The following PTPRN2 variants were observed in gnomAD, a reference collection of about 807,000 sequenced individuals.
PTPRN2 encodes the protein protein tyrosine phosphatase receptor type N2.
PTPRN2 carries 74 observed loss-of-function variants against 118.8 expected under a neutral mutation model. The observed-to-expected ratio is 0.62, with a 90% CI of 0.52 to 0.76. The LOEUF is 0.76. PTPRN2 is among the 30% of genes least tolerant of loss of function. The pLI is 0.00. For missense variants in PTPRN2, 1,481 were observed against 1,394.4 expected (o/e 1.06, Z -0.99); for synonymous variants, 641 against 608.0 (o/e 1.05, Z -0.80).
intron 10 of PTPRN2, among the ~76,000 whole-genome samples, chr7:158,085,508 CGCCCATCCACACAGAT>C (rs1813286990): frequency 1.5e-5 from 2 of 135,928 alleles, no homozygotes. Flanking sequence ...ACACCCATGA[CGCCCATCCACACAGAT>C]GCCCATCCAC....
chr7:157,980,524 G>A (rs955109111), intron 11 of PTPRN2, among the ~76,000 whole-genome samples: 4 of 152,198 alleles, frequency 2.6e-5, no homozygotes, highest in Non-Finnish European at 4.4e-5. Context: ...GGCCGAGGTG[G>A]GGAGTCACTT....
At chr7:158,470,092 C>T (rs1819743442) in intron 2 of PTPRN2, among the ~76,000 whole-genome samples, 1 of 152,142 alleles carries the variant, frequency 6.6e-6, no homozygotes, top group Non-Finnish European at 1.5e-5. Flanking sequence ...AACGGGCTGC[C>T]ATCATAACAG....
rs73745051 is a variant in PTPRN2, at chr7:157,992,536, A to C, written c.1723+88762T>G. On this transcript the variant is annotated intron_variant, in intron 11 of 22. Transcript: ENST00000389418. ...TATGGTGCTAAGGTTTTAATAACACATTAGAATACACAGAACTAAATAAAA... is the reference window on the plus strand; with the variant it reads ...TATGGTGCTAAGGTTTTAATAACACCTTAGAATACACAGAACTAAATAAAA... 9.2e-3 allele frequency among the ~76,000 whole-genome samples: 1,408 copies of C among 152,382 alleles called. 14 individuals are homozygous for C. The highest frequency in any genetic ancestry group is 0.032 in the African/African-American group (1,341 of 41,590).
chr7:157,866,395 T>G (rs530514884), intron 12 of PTPRN2, among the ~76,000 whole-genome samples: 2 of 152,180 alleles, frequency 1.3e-5, no homozygotes, highest in African/African-American at 4.8e-5. Flanking sequence ...CACGTCCACA[T>G]GTACACACAT....
chr7:157,714,418 G>A (rs191949265), intron 12 of PTPRN2, among the ~76,000 whole-genome samples: 5 of 152,142 alleles, frequency 3.3e-5, no homozygotes, highest in African/African-American at 1.2e-4. Context: ...AGTCTTTCCC[G>A]GCAGCTCTGC....
At chr7:157,642,814 C>CAAAAAAAA (rs11335302) in intron 14 of PTPRN2, among the ~76,000 whole-genome samples, 732 of 24,204 alleles carry the variant, frequency 0.03, 130 homozygotes, top group Non-Finnish European at 0.048. Flanking sequence ...CAAGAAACAG[C>CAAAAAAAA]AAAAAAAAAA....
chr7:157,865,755 G>C (rs1356181690), intron 12 of PTPRN2: 3 of 152,264 alleles, frequency 2.0e-5, no homozygotes, highest in Non-Finnish European at 2.9e-5. Flanking sequence ...GTCACAGCCA[G>C]GTGAATGGGC....
intron 12 of PTPRN2, among the ~76,000 whole-genome samples, chr7:157,796,999 C>G (rs1804910023): frequency 6.6e-6 from 1 of 152,218 alleles, no homozygotes; most frequent in African/African-American, 2.4e-5. Context: ...CGAGTTCCGA[C>G]TCGCCGCTCA....
At chr7:158,396,958 A>G (rs1188046163) in intron 2 of PTPRN2, among the ~76,000 whole-genome samples, 1 of 152,252 alleles carries the variant, frequency 6.6e-6, no homozygotes, top group African/African-American at 2.4e-5. Context: ...CCTCAAGGAA[A>G]TTGCAGCTTT....
intron 12 of PTPRN2, among the ~76,000 whole-genome samples, chr7:157,890,012 A>T (rs1227723186): frequency 6.6e-6 from 1 of 152,104 alleles, no homozygotes; most frequent in African/African-American, 2.4e-5. Context: ...GAAATCACAG[A>T]ATTTGATTTA....
At chr7:157,886,892 G>A (rs1280575753) in intron 12 of PTPRN2, among the ~76,000 whole-genome samples, 2 of 28,636 alleles carry the variant, frequency 7.0e-5, no homozygotes, top group Admixed American at 3.8e-4. Context: ...CTGGGCCATC[G>A]AGGTCCTTGT....
chr7:158,163,326 C>G (rs933293771), intron 6 of PTPRN2, among the ~76,000 whole-genome samples: 2 of 150,668 alleles, frequency 1.3e-5, no homozygotes, highest in African/African-American at 2.4e-5. Flanking sequence ...ACGGGGTTCT[C>G]AATTCTCTCT....
At chr7:158,418,617 G>T (rs1163846437) in intron 2 of PTPRN2, among the ~76,000 whole-genome samples, 2 of 145,550 alleles carry the variant, frequency 1.4e-5, no homozygotes, top group African/African-American at 5.1e-5. Context: ...GTGTCCCGCT[G>T]TGTTAAGTCA....
At chr7:158,094,018 G>T (rs1165350972) in intron 10 of PTPRN2, among the ~76,000 whole-genome samples, 1 of 152,188 alleles carries the variant, frequency 6.6e-6, no homozygotes, top group African/African-American at 2.4e-5. Flanking sequence ...ATGGGATTTG[G>T]GAAATCCTTT....
At position 157,598,046 on chromosome 7, in the gene PTPRN2, A is replaced by C. The variant is rs1024275092; in HGVS notation, c.2419-2731T>G. ...TCGAGGAAAAGTCAAGCAAATACTTAACTGGCCACACAGAGATTTTACTAC... is the reference window on the plus strand; with the variant it reads ...TCGAGGAAAAGTCAAGCAAATACTTCACTGGCCACACAGAGATTTTACTAC... On this transcript the variant is annotated intron_variant, in intron 16 of 22. Transcript: ENST00000389418. The surrounding 1 kb of genome is among the most constrained non-coding windows in gnomAD (Gnocchi z 5.2). Among the ~76,000 whole-genome samples, 51 of 152,384 alleles carry C rather than the reference A, an allele frequency of 3.3e-4. No individual in the cohort carries two copies. Among genetic ancestry groups the C allele is most frequent in the African/African-American group, 1.2e-3 (49 of 41,598 alleles).
At chr7:158,587,289 A>AAC (rs1829014047) in intron 1 of PTPRN2, among the ~76,000 whole-genome samples, 1 of 47,942 alleles carries the variant, frequency 2.1e-5, no homozygotes, top group Admixed American at 3.6e-4. Context: ...TCCCTCCCCC[A>AAC]GAACCTCTCA....
intron 21 of PTPRN2, among the ~76,000 whole-genome samples, chr7:157,556,666 CCA>C (rs201413402): frequency 0.011 from 1,590 of 151,208 alleles, 24 homozygotes; most frequent in African/African-American, 0.037. Flanking sequence ...CATGCACACC[CCA>C]CACTCACATG....
At chr7:157,661,343 G>A (rs1795876077) in intron 13 of PTPRN2, among the ~76,000 whole-genome samples, 1 of 152,284 alleles carries the variant, frequency 6.6e-6, no homozygotes, top group Admixed American at 6.5e-5. Context: ...ACCCGTGGCG[G>A]CAGCTCTTCG....
Position 157,587,459 on chromosome 7 carries a change from A to G in PTPRN2, c.2496+7779T>C, listed in dbSNP as rs1800746229. 6.6e-6 allele frequency among the ~76,000 whole-genome samples: 1 copy of G among 152,240 alleles called. No homozygotes were observed. The highest frequency in any genetic ancestry group is 2.1e-4 in the South Asian group (1 of 4,828). On this transcript the variant is annotated intron_variant, in intron 17 of 22. Coordinates refer to ENST00000389418, the MANE Select transcript of PTPRN2 (RefSeq NM_002847.5). The surrounding 1 kb of genome is among the most constrained non-coding windows in gnomAD (Gnocchi z 5.3). ...AAGTTCAGGATTTTTTCTTAACCAT[A>G]GTAAGAACTATGATCTACAGATGCC...
Sources: allele counts gnomAD v4.1 joint callset (sites outside exome capture counted in the v4.1 genomes callset), GRCh38; gene constraint gnomAD v4.1.1; non-coding constraint Gnocchi (gnomAD v3.1); transcripts MANE v1.5; gene names NCBI Gene and HGNC (gene_info 2026-07-23, HGNC 2026-07-21).